The following CALN1 variants were observed in gnomAD, a reference collection of about 807,000 sequenced individuals.
The protein encoded by CALN1 is calcium-binding protein 8.
A neutral mutation model predicts 30.6 loss-of-function variants in CALN1; 17 were observed. The observed-to-expected ratio is 0.56, with a 90% CI of 0.38 to 0.83. The LOEUF (loss-of-function observed/expected upper bound fraction) is 0.83, where lower values mean the gene tolerates loss of function less well. Among genes scored for constraint, CALN1 ranks in the 40% least tolerant of loss-of-function variants. The probability of loss-of-function intolerance (pLI) is 0.00; values close to 1 mark genes in which losing one functional copy is unlikely to be tolerated. For missense variants in CALN1, 291 were observed against 354.9 expected, an observed-to-expected ratio of 0.82 and a Z score of 1.45; for synonymous variants, 156 against 131.4, an observed-to-expected ratio of 1.19 and a Z score of -1.28.
the CALN1 span, among the ~76,000 whole-genome samples, chr7:72,485,985 C>T: frequency 6.6e-6 from 1 of 152,164 alleles, no homozygotes; most frequent in Non-Finnish European, 1.5e-5. Context: ...GAGTCTCACT[C>T]TGTCGCCATT....
In CALN1 at chr7:72,267,874, T is replaced by G. The variant is rs185490327; in HGVS notation, c.244+10812A>C. Among the ~76,000 whole-genome samples the G allele has an allele frequency of 2.6e-3, 394 of 152,188 alleles. 1 individual carries two copies. Among genetic ancestry groups the G allele is most frequent in the Non-Finnish European group, 3.9e-3 (267 of 68,000 alleles). ...ATTTAAAAATTAGCTAGGTGTGGTG[T>G]TGTGCACTTGTAGCCTCAGCTACTC... On this transcript the variant is annotated intron_variant, in intron 3 of 6. Transcript: ENST00000395275.
intron 3 of CALN1, among the ~76,000 whole-genome samples, chr7:72,192,173 A>G (rs145255898): frequency 1.7e-3 from 257 of 152,194 alleles, no homozygotes; most frequent in Non-Finnish European, 1.5e-3. Flanking sequence ...CTAGCCCACT[A>G]CACGTCTAGG....
chr7:72,036,504 G>C (rs756319776), intron 4 of CALN1, among the ~76,000 whole-genome samples: 16 of 152,130 alleles, frequency 1.1e-4, no homozygotes, highest in Non-Finnish European at 2.1e-4. Context: ...CGATTCCTTA[G>C]GTTTTGTTCA....
At chr7:72,075,548 C>T (rs916486753) in intron 4 of CALN1, among the ~76,000 whole-genome samples, 5 of 152,180 alleles carry the variant, frequency 3.3e-5, no homozygotes, top group East Asian at 3.9e-4. Context: ...TGAAGGGTGA[C>T]GGCCACAGAG....
At chr7:71,951,276 A>C (rs1432800296) in intron 5 of CALN1, among the ~76,000 whole-genome samples, 1 of 152,218 alleles carries the variant, frequency 6.6e-6, no homozygotes, top group Non-Finnish European at 1.5e-5. Context: ...TCAGTAAAGA[A>C]ATGCTTTTAC....
chr7:72,214,232 C>A (rs1792609718), intron 3 of CALN1, among the ~76,000 whole-genome samples: 1 of 152,210 alleles, frequency 6.6e-6, no homozygotes, highest in Non-Finnish European at 1.5e-5. Context: ...GTAATCCCAG[C>A]ACTTTGGGAG....
chr7:72,333,519 T>C (rs1801811208), intron 2 of CALN1, among the ~76,000 whole-genome samples: 1 of 152,092 alleles, frequency 6.6e-6, no homozygotes, highest in African/African-American at 2.4e-5. Context: ...TGAAGGATGG[T>C]TTCATAGCTT....
Position 71,943,565 on chromosome 7 carries a change from C to T in CALN1, c.501+80092G>A, listed in dbSNP as rs554755949. On this transcript the variant is annotated intron_variant, in intron 5 of 6. Coordinates refer to ENST00000395275, the MANE Select transcript of CALN1 (RefSeq NM_031468.4). Reference sequence around the variant, plus strand: ...AAGTCATTCTCGTGCCTCAGCCTCCCGAGTAGCTGAGACTACAGGCATGTG... The same window carrying T: ...AAGTCATTCTCGTGCCTCAGCCTCCTGAGTAGCTGAGACTACAGGCATGTG... 7.3e-4 allele frequency among the ~76,000 whole-genome samples: 110 copies of T among 151,656 alleles called. 3 individuals are homozygous for T. The South Asian group carries it at 0.022, about 30-fold the overall frequency.
intron 2 of CALN1, among the ~76,000 whole-genome samples, chr7:72,382,945 C>T (rs181531212): frequency 9.9e-4 from 151 of 152,240 alleles, no homozygotes; most frequent in Middle Eastern, 3.4e-3. Flanking sequence ...CACGCCTCTA[C>T]GCCCAGCTAA....
intron 2 of CALN1, among the ~76,000 whole-genome samples, chr7:72,379,555 A>G (rs1452332955): frequency 1.3e-5 from 2 of 152,218 alleles, no homozygotes; most frequent in African/African-American, 4.8e-5. Context: ...ATAGCTGGCA[A>G]TTTCAAGCAA....
intron 2 of CALN1, chr7:72,336,888 C>T (rs916721137): frequency 1.6e-5 from 16 of 984,758 alleles, no homozygotes; most frequent in Non-Finnish European, 1.8e-5. Context: ...TCGCTGCCGC[C>T]GGCTCCCTCG....
At chr7:72,184,523 G>A (rs766051664) in intron 3 of CALN1, among the ~76,000 whole-genome samples, 1 of 152,204 alleles carries the variant, frequency 6.6e-6, no homozygotes, top group Non-Finnish European at 1.5e-5. Flanking sequence ...CTGGCACATA[G>A]GAAGCACTCA....
intron 6 of CALN1, among the ~76,000 whole-genome samples, chr7:71,796,829 C>T (rs987844943): frequency 2.6e-5 from 4 of 152,246 alleles, no homozygotes; most frequent in Admixed American, 1.3e-4. Context: ...AGGAGGCTGC[C>T]GCGGGAGGAC....
At chr7:71,838,397 T>G (rs113110159) in intron 5 of CALN1, among the ~76,000 whole-genome samples, 2 of 152,228 alleles carry the variant, frequency 1.3e-5, no homozygotes, top group African/African-American at 4.8e-5. Flanking sequence ...CAGATGAGCA[T>G]GTGACCCAAT....
chr7:72,360,443 T>C (rs537662822), intron 2 of CALN1, among the ~76,000 whole-genome samples: 2 of 151,754 alleles, frequency 1.3e-5, no homozygotes, highest in South Asian at 2.1e-4. Context: ...TTTAAAAAAA[T>C]CAGAGAAAGA....
chr7:72,150,306 TTGTA>T (rs1289328905), intron 3 of CALN1, among the ~76,000 whole-genome samples: 1 of 152,138 alleles, frequency 6.6e-6, no homozygotes, highest in African/African-American at 2.4e-5. Flanking sequence ...ATAAAATACT[TTGTA>T]TGTTTTAGGA....
chr7:72,066,086 T>C (rs1285220869), intron 4 of CALN1, among the ~76,000 whole-genome samples: 1 of 152,244 alleles, frequency 6.6e-6, no homozygotes, highest in Non-Finnish European at 1.5e-5. Flanking sequence ...GTCCTGCTCT[T>C]GTCACACTTT....
chr7:72,434,382 C>A (rs913488324), intron 1 of CALN1, among the ~76,000 whole-genome samples: 1 of 150,580 alleles, frequency 6.6e-6, no homozygotes, highest in Admixed American at 6.6e-5. Context: ...AATAGCTGGG[C>A]GTACTGGCGG....
the CALN1 span, among the ~76,000 whole-genome samples, chr7:72,455,386 A>T: frequency 6.6e-6 from 1 of 151,348 alleles, no homozygotes; most frequent in Non-Finnish European, 1.5e-5. Context: ...TATATATAAT[A>T]CACACATATA....
Sources: gnomAD v4.1 joint callset for allele counts (sites outside exome capture counted in the v4.1 genomes callset) on GRCh38, gnomAD v4.1.1 for gene constraint, MANE v1.5 for transcripts, NCBI Gene and HGNC (gene_info 2026-07-23, HGNC 2026-07-21) for gene names.